Variants in SLC2A2 observed in about 807,000 individuals in gnomAD.
The protein encoded by SLC2A2 is solute carrier family 2 member 2, also known as solute carrier family 2, facilitated glucose transporter member 2.
In SLC2A2, 36 loss-of-function variants were observed where a neutral mutation model predicts 54.5. The observed-to-expected ratio is 0.66, with a 90% CI of 0.51 to 0.87. The LOEUF (loss-of-function observed/expected upper bound fraction) is 0.87. SLC2A2 is among the 40% of genes least tolerant of loss of function. The pLI is 0.00. For missense variants in SLC2A2, 543 were observed against 624.3 expected (o/e 0.87, Z 1.39); for synonymous variants, 223 against 219.1 (o/e 1.02, Z -0.16).
chr3:171,006,980 G>T lies in SLC2A2; in HGVS notation c.612+168C>A, dbSNP rs181395321. On this transcript the variant is annotated intron_variant, in intron 5 of 10. Coordinates refer to ENST00000314251, the MANE Select transcript of SLC2A2 (RefSeq NM_000340.2). ...CTCTACACCACCTCCACTACCACTG[G>T]TAGAATTGGCTTTTCTCTCTGTGCT... Among the ~76,000 whole-genome samples, 22 of 152,038 alleles carry T rather than the reference G, an allele frequency of 1.4e-4. No homozygotes were observed. In the East Asian group the frequency reaches 4.3e-3, roughly 29 times the overall value.
chr3:171,004,453 G>T (rs1435975376), intron 7 of SLC2A2, among the ~76,000 whole-genome samples: 2 of 151,842 alleles, frequency 1.3e-5, no homozygotes, highest in African/African-American at 4.8e-5. Flanking sequence ...CAATGGATGG[G>T]AATTACTTCC....
intron 2 of SLC2A2, among the ~76,000 whole-genome samples, chr3:171,015,495 C>T (rs746633247): frequency 2.0e-5 from 3 of 151,980 alleles, no homozygotes; most frequent in Non-Finnish European, 4.4e-5. Context: ...ATTCTGCAGG[C>T]TAAAAAGATA....
At chr3:171,012,295 A>G (rs1715924216) in intron 3 of SLC2A2, among the ~76,000 whole-genome samples, 1 of 152,206 alleles carries the variant, frequency 6.6e-6, no homozygotes, top group African/African-American at 2.4e-5. Flanking sequence ...AGAGAACCTA[A>G]TAACTTGCTC....
chr3:171,017,610 T>G (rs149172718), intron 2 of SLC2A2, among the ~76,000 whole-genome samples: 65 of 152,324 alleles, frequency 4.3e-4, no homozygotes, highest in African/African-American at 1.4e-3. Flanking sequence ...TTCTCTGTCT[T>G]TCATTAATTC....
In SLC2A2 at chr3:171,014,742, A is replaced by C; in HGVS notation, c.109-11T>G. 1 of 1,607,866 alleles carries C rather than the reference A, an allele frequency of 6.2e-7. No individual in the cohort carries two copies. Among genetic ancestry groups the C allele is most frequent in the South Asian group, 1.1e-5 (1 of 90,914 alleles). Reference sequence around the variant, plus strand: ...GTGAGATATTATTACCTAGGAGATAAAGAAAAATAGCTTTACTATTTCAAA... The same window carrying C: ...GTGAGATATTATTACCTAGGAGATACAGAAAAATAGCTTTACTATTTCAAA... On this transcript the variant is annotated splice_polypyrimidine_tract_variant and intron_variant, in intron 2 of 10. Coordinates refer to ENST00000314251, the MANE Select transcript of SLC2A2 (RefSeq NM_000340.2).
chr3:171,015,972 A>C (rs962678327), intron 2 of SLC2A2, among the ~76,000 whole-genome samples: 3 of 152,048 alleles, frequency 2.0e-5, no homozygotes, highest in African/African-American at 7.2e-5. Context: ...CATTCCTCTC[A>C]ATGATGATTT....
intron 7 of SLC2A2, 87 bp downstream of exon 7, chr3:171,005,198 T>A: frequency 9.3e-7 from 1 of 1,071,756 alleles, no homozygotes; most frequent in African/African-American, 1.5e-5. Flanking sequence ...CCTTAAAATA[T>A]CTTTTAGCTA....
chr3:170,997,580 A>C lies in SLC2A2; in HGVS notation c.*323T>G, dbSNP rs939604770. The C allele has an allele frequency of 1.2e-5, 3 of 253,868 alleles. No individual in the cohort carries two copies. Among genetic ancestry groups the C allele is most frequent in the Non-Finnish European group, 2.2e-5 (3 of 133,586 alleles). 15.7% of individuals were successfully genotyped at this position (253,868 alleles called of 1,614,324 possible). ...CCTCAGGTTTCTAGTTATGTGTTAA[A>C]AAAATGATATGTTGAAATCTCTTCA... On this transcript the variant is annotated 3_prime_UTR_variant, in exon 11 of 11. Coordinates refer to ENST00000314251, the MANE Select transcript of SLC2A2 (RefSeq NM_000340.2).
At chr3:171,016,741 C>A (rs928621222) in intron 2 of SLC2A2, among the ~76,000 whole-genome samples, 1 of 152,032 alleles carries the variant, frequency 6.6e-6, no homozygotes, top group Non-Finnish European at 1.5e-5. Flanking sequence ...CTAACCTGGA[C>A]GCCAGTATGG....
At chr3:170,998,435 A>T in intron 9 of SLC2A2, 39 bp from the exon 10 acceptor site, 2 of 1,560,816 alleles carry the variant, frequency 1.3e-6, no homozygotes, top group Non-Finnish European at 1.8e-6. Flanking sequence ...GACTGAGATC[A>T]TTTGGCTGCT....
Position 171,009,915 on chromosome 3 carries a change from GTGTGTGTGTGTGTGT to G in SLC2A2, c.496+28_496+42del, listed in dbSNP as rs757794430. The G allele has an allele frequency of 1.7e-5, 20 of 1,143,896 alleles. No homozygotes were observed. In the African/African-American group the frequency reaches 2.4e-4, roughly 14 times the overall value. The allele number at this position is 1,143,896 out of a possible 1,614,324, so 70.9% of individuals were successfully genotyped here. A position where few individuals can be genotyped will look rare whatever the true frequency, so the allele number is the denominator to read the frequency against. On this transcript the variant is annotated intron_variant, in intron 4 of 10. Coordinates refer to ENST00000314251, the MANE Select transcript of SLC2A2 (RefSeq NM_000340.2). ...GAGTTACTTTCAGACAAAGGTAGGT[GTGTGTGTGTGTGTGT>G]GTGTGTGTGTGTGTGTGTGTGACTT...
rs1324205444 is a variant in SLC2A2, at chr3:171,005,311, C to A, written c.937G>T (p.Ala313Ser). Residue 313 changes from alanine to serine, a missense_variant, in exon 7 of 11, where the codon GCT becomes TCT. By Grantham distance (99) the Ala-to-Ser change is moderately conservative. Coordinates refer to ENST00000314251, the MANE Select transcript of SLC2A2 (RefSeq NM_000340.2). Reference sequence around the variant, plus strand: ...CCATTGATTCCGGAAAATTGCTGAGCCACATGCAGCATCAGTGCCACTAGA... The same window carrying A: ...CCATTGATTCCGGAAAATTGCTGAGACACATGCAGCATCAGTGCCACTAGA... ...PILVALMLHV[A>S]QQFSGINGIF... 1 of 1,612,790 alleles carries A rather than the reference C, an allele frequency of 6.2e-7. No homozygotes were observed. The highest frequency in any genetic ancestry group is 8.5e-7 in the Non-Finnish European group (1 of 1,179,254).
intron 6 of SLC2A2, 77 bp from the exon 7 acceptor site, chr3:171,005,549 C>A (rs1342805655): frequency 8.3e-7 from 1 of 1,205,050 alleles, no homozygotes; most frequent in African/African-American, 1.5e-5. Context: ...AATGAAAGAG[C>A]TACATTTCTG....
intron 7 of SLC2A2, among the ~76,000 whole-genome samples, chr3:171,003,625 T>C (rs1236298134): frequency 6.6e-6 from 1 of 151,962 alleles, no homozygotes; most frequent in African/African-American, 2.4e-5. Context: ...ACTCAATATA[T>C]ATTTGTTGTA....
intron 1 of SLC2A2, among the ~76,000 whole-genome samples, chr3:171,025,601 C>T (rs79976252): frequency 0.014 from 2,063 of 152,254 alleles, 49 homozygotes; most frequent in African/African-American, 0.047. Context: ...ACCCAGGCCT[C>T]ACAGCAGTTT....
At position 170,997,653 on chromosome 3, in the gene SLC2A2, C is replaced by G; in HGVS notation, c.*250G>C. ...AAGAACAGAGCTAAAAATATTAGAACCACCTGCCCTTTAGTGTAACAAAAT... is the reference window on the plus strand; with the variant it reads ...AAGAACAGAGCTAAAAATATTAGAAGCACCTGCCCTTTAGTGTAACAAAAT... On this transcript the variant is annotated 3_prime_UTR_variant, in exon 11 of 11. Transcript: ENST00000314251. The G allele has an allele frequency of 2.2e-6, 1 of 460,164 alleles. No individual in the cohort carries two copies. Among genetic ancestry groups the G allele is most frequent in the South Asian group, 2.8e-5 (1 of 35,838 alleles). 28.5% of individuals were successfully genotyped at this position (460,164 alleles called of 1,614,324 possible). A position where few individuals can be genotyped will look rare whatever the true frequency, so the allele number is the denominator to read the frequency against.
intron 6 of SLC2A2, among the ~76,000 whole-genome samples, 175 bp from the exon 7 acceptor site, chr3:171,005,647 T>C (rs757255203): frequency 6.6e-6 from 1 of 152,012 alleles, no homozygotes; most frequent in Non-Finnish European, 1.5e-5. Flanking sequence ...AAAAGAAAAA[T>C]AGAACATTTG....
At position 171,007,154 on chromosome 3, in the gene SLC2A2, A is replaced by G. The variant is rs751065450; in HGVS notation, c.606T>C (p.Ile202=). 5.0e-6 allele frequency: 8 copies of G among 1,603,720 alleles called. No homozygotes were observed. In the East Asian group the frequency reaches 1.3e-4, roughly 27 times the overall value. The change falls in exon 5 of 11, where the codon ATT becomes ATC. Residue 202 remains isoleucine, a synonymous_variant. Transcript: ENST00000314251. ...AAGGATGGGGAGTTTTTACCTGACT[A>G]ATAAGAATGCCCGTGACGATGGCCA... ...HQLAIVTGIL[I]SQIIGLEFIL...
chr3:171,015,361 T>A (rs922710430), intron 2 of SLC2A2, among the ~76,000 whole-genome samples: 5 of 151,972 alleles, frequency 3.3e-5, no homozygotes, highest in Admixed American at 1.3e-4. Context: ...TCCCAGCTAC[T>A]TGGAGGGGGC....
Sources: allele counts gnomAD v4.1 joint callset (sites outside exome capture counted in the v4.1 genomes callset), GRCh38; gene constraint gnomAD v4.1.1; transcripts MANE v1.5; gene names NCBI Gene and HGNC (gene_info 2026-07-23, HGNC 2026-07-21).